ELN: variants seen among roughly 807,000 people sequenced by gnomAD.
ELN encodes the protein elastin.
A neutral mutation model predicts 105.8 loss-of-function variants in ELN; 65 were observed. The observed-to-expected ratio is 0.61, with a 90% CI of 0.50 to 0.75. The LOEUF (loss-of-function observed/expected upper bound fraction) is 0.75, where lower values mean the gene tolerates loss of function less well. ELN is among the 30% of genes least tolerant of loss of function. The pLI is 0.00. For synonymous variants in ELN, 368 were observed against 389.2 expected (o/e 0.95, Z 0.64); for missense variants, 882 against 969.4 (o/e 0.91, Z 1.20).
rs139547471 is a variant in ELN at position 74,065,971 on chromosome 7, G to T, written c.2060G>T (p.Gly687Val). The T allele has an allele frequency of 3.7e-6, 6 of 1,614,088 alleles. No individual in the cohort carries two copies. Among genetic ancestry groups the T allele is most frequent in the Non-Finnish European group, 5.1e-6 (6 of 1,180,000 alleles). Residue 687 changes from glycine (G) to valine (V), a missense_variant, in exon 31 of 33, where the codon GGG (glycine) becomes GTG (valine). Transcript: ENST00000252034. ...GCTGCTGGCCTTGGAGGTGTCCTAGGGGGTGCCGGGCAGTTCCCACTTGGA... is the reference window on the plus strand; with the variant it reads ...GCTGCTGGCCTTGGAGGTGTCCTAGTGGGTGCCGGGCAGTTCCCACTTGGA... Reference protein sequence around the residue: ...YGAAGLGGVLGGAGQFPLGGV... With the variant: ...YGAAGLGGVLVGAGQFPLGGV...
At chr7:74,034,547 A>G (rs183239139) in intron 1 of ELN, among the ~76,000 whole-genome samples, 111 of 152,282 alleles carry the variant, frequency 7.3e-4, no homozygotes, top group African/African-American at 1.1e-3. Context: ...ATCTTTACAA[A>G]AAAATCAATT....
At chr7:74,046,500 G>C (rs559541069) in intron 11 of ELN, among the ~76,000 whole-genome samples, 196 bp from the exon 12 acceptor site, 1 of 152,272 alleles carries the variant, frequency 6.6e-6, no homozygotes, top group Non-Finnish European at 1.5e-5. Flanking sequence ...AGAGAATCCC[G>C]TAGCTTCCTG....
rs782743840 is a variant in ELN at position 74,048,161 on chromosome 7, G to T, written c.705G>T (p.Val235=). The T allele has an allele frequency of 7.4e-6, 12 of 1,614,028 alleles. No individual in the cohort carries two copies. The African/African-American group carries it at 1.6e-4, about 22-fold the overall frequency. The change falls in exon 14 of 33, where the codon GTG becomes GTT. Residue 235 remains valine (V), a synonymous_variant. Transcript: ENST00000252034. ...TTGCAGGCTATGGGCCCGGAGGAGT[G>T]GCTGGTGCAGCGGGCAAGGCTGGTT... is the stretch of plus-strand genomic sequence containing the variant. The part of the protein sequence containing the change: ...KLPYGYGPGG[V]AGAAGKAGYP...
rs1179356617 is a variant in ELN, at chr7:74,029,846, C to T, written c.82+1577C>T. ...TGAGAATTAGAAATTATTATCATCA[C>T]TTGACAAACAAGGAAGCTGAGGCTC... On this transcript the variant is annotated intron_variant, in intron 1 of 32. Coordinates refer to ENST00000252034, the MANE Select transcript of ELN (RefSeq NM_000501.4). Among the ~76,000 whole-genome samples the T allele has an allele frequency of 3.9e-5, 6 of 152,342 alleles. No homozygotes were observed. In the East Asian group the frequency reaches 9.7e-4, roughly 25 times the overall value.
intron 1 of ELN, among the ~76,000 whole-genome samples, chr7:74,032,296 G>A (rs544898778): frequency 3.9e-5 from 6 of 152,328 alleles, no homozygotes; most frequent in African/African-American, 1.2e-4. Context: ...AGGGAGAGCC[G>A]TGGGCTCGGG....
In ELN at chr7:74,043,163, T is replaced by C; in HGVS notation, c.422T>C (p.Val141Ala). Residue 141 changes from valine to alanine, a missense_variant, in exon 8 of 33, where the codon GTG becomes GCG. By Grantham distance (64) the Val-to-Ala change is moderately conservative. Transcript: ENST00000252034. ...QPGAGVKPGK[V>A]PGVGLPGVYP... ...GGAGCCGGAGTGAAGCCTGGGAAAGTGCCGGGTCAGTGCGGAATCCCTGGG... is the reference window on the plus strand; with the variant it reads ...GGAGCCGGAGTGAAGCCTGGGAAAGCGCCGGGTCAGTGCGGAATCCCTGGG... The C allele has an allele frequency of 6.3e-7, 1 of 1,599,264 alleles. No individual in the cohort carries two copies. The highest frequency in any genetic ancestry group is 8.5e-7 in the Non-Finnish European group (1 of 1,172,622).
chr7:74,066,593 A>T (rs1798007652), intron 31 of ELN, 139 bp from the exon 32 acceptor site: 1 of 498,576 alleles, frequency 2.0e-6, no homozygotes, highest in Admixed American at 4.0e-5. Flanking sequence ...AATAAAATAT[A>T]AAAAATTATA....
At position 74,065,720 on chromosome 7, in the gene ELN, G is replaced by T; in HGVS notation, c.2020G>T (p.Ala674Ser). 6.2e-7 allele frequency: 1 copy of T among 1,613,880 alleles called. No individual in the cohort carries two copies. Among genetic ancestry groups the T allele is most frequent in the Non-Finnish European group, 8.5e-7 (1 of 1,180,002 alleles). Residue 674 changes from alanine (A) to serine (S), a missense_variant, in exon 30 of 33, where the codon GCA becomes TCA. Physicochemically the swap from Ala to Ser is moderately conservative, Grantham distance 99. Transcript: ENST00000252034. ...TATACCTCCAGCTGCAGCCGCTAAA[G>T]CAGCTAAATACGGTGAGTTCCCCTC... Reference protein sequence around the residue: ...GGIPPAAAAKAAKYGAAGLGG... With the variant: ...GGIPPAAAAKSAKYGAAGLGG...
At chr7:74,037,629 T>A in intron 3 of ELN, 78 bp from the exon 4 acceptor site, 1 of 1,568,146 alleles carries the variant, frequency 6.4e-7, no homozygotes. Context: ...GCCCACACTT[T>A]GCCCGGGTTG....
chr7:74,042,957 A>G, intron 6 of ELN, 27 bp from the exon 7 acceptor site: 1 of 1,614,014 alleles, frequency 6.2e-7, no homozygotes, highest in Non-Finnish European at 8.5e-7. Flanking sequence ...TTCCTTACGC[A>G]ATGCCTCACC....
At chr7:74,065,072 C>A (rs78804634) in intron 29 of ELN, among the ~76,000 whole-genome samples, 19,969 of 151,802 alleles carry the variant, frequency 0.13, 2,318 homozygotes, top group African/African-American at 0.31. Context: ...AAGACCCCCC[C>A]CCACCACCAC....
chr7:74,052,863 A>C, intron 17 of ELN: 1 of 402,632 alleles, frequency 2.5e-6, no homozygotes, highest in Non-Finnish European at 4.6e-6. Flanking sequence ...GGGAGAGAGA[A>C]AGAAAGAAAG....
Position 74,035,419 on chromosome 7 carries a change from C to A in ELN, c.133+5C>A. The A allele has an allele frequency of 6.2e-7, 1 of 1,614,082 alleles. No individual in the cohort carries two copies. Among genetic ancestry groups the A allele is most frequent in the Non-Finnish European group, 8.5e-7 (1 of 1,179,998 alleles). On this transcript the variant is annotated splice_donor_5th_base_variant and intron_variant, in intron 2 of 32. Transcript: ENST00000252034. ...CTGGAGGAGTCTTTTATCCAGGTAA[C>A]GTACATGAAACTTCCACACACCCAG...
chr7:74,046,277 G>A, intron 11 of ELN, 60 bp downstream of exon 11: 5 of 1,612,096 alleles, frequency 3.1e-6, no homozygotes, highest in South Asian at 2.2e-5. Flanking sequence ...CTGGCGTTGG[G>A]AGGGGTTGGG....
intron 1 of ELN, among the ~76,000 whole-genome samples, 166 bp from the exon 2 acceptor site, chr7:74,035,198 A>G (rs1789616101): frequency 6.6e-6 from 1 of 152,260 alleles, no homozygotes; most frequent in Non-Finnish European, 1.5e-5. Context: ...TTGTAAACAG[A>G]AACTGCTCTG....
At chr7:74,029,149 C>T (rs1442543184) in intron 1 of ELN, among the ~76,000 whole-genome samples, 1 of 152,102 alleles carries the variant, frequency 6.6e-6, no homozygotes, top group Non-Finnish European at 1.5e-5. Flanking sequence ...ATCTGGCATC[C>T]AGGTGTGACA....
intron 15 of ELN, among the ~76,000 whole-genome samples, chr7:74,051,031 G>T (rs1721117605): frequency 6.6e-6 from 1 of 152,200 alleles, no homozygotes; most frequent in Non-Finnish European, 1.5e-5. Flanking sequence ...GCTCAGGTCA[G>T]TGAGTTCTTG....
rs1438727893 is a variant in ELN at position 74,063,037 on chromosome 7, C to G, written c.1787-116C>G. On this transcript the variant is annotated intron_variant, in intron 26 of 32. Coordinates refer to ENST00000252034, the MANE Select transcript of ELN (RefSeq NM_000501.4). The surrounding 1 kb of genome is among the most constrained non-coding windows in gnomAD (Gnocchi z 4.1). ...AAATATGGACTGGACTTCCTGTCCA[C>G]TGCTCCTCCACAGTGTCACATGGCC... 2.3e-5 allele frequency: 30 copies of G among 1,310,022 alleles called. No homozygotes were observed. The highest frequency in any genetic ancestry group is 3.1e-5 in the Non-Finnish European group (29 of 947,932). The allele number at this position is 1,310,022 out of a possible 1,614,324, so 81.1% of individuals were successfully genotyped here. A position where few individuals can be genotyped will look rare whatever the true frequency, so the allele number is the denominator to read the frequency against.
Position 74,055,848 on chromosome 7 carries a change from G to A in ELN, c.1151-423G>A, listed in dbSNP as rs553112445. Among the ~76,000 whole-genome samples, 14 of 150,904 alleles carry A rather than the reference G, an allele frequency of 9.3e-5. No homozygotes were observed. In the East Asian group the frequency reaches 2.4e-3, roughly 25 times the overall value. On this transcript the variant is annotated intron_variant, in intron 19 of 32. Transcript: ENST00000252034. ...GTCACCCAGGCTGGAGTGCAGTGGC[G>A]TGATCTCCGCTCACTGCAAGCTCCA...
Sources: allele counts gnomAD v4.1 joint callset (sites outside exome capture counted in the v4.1 genomes callset), GRCh38; gene constraint gnomAD v4.1.1; non-coding constraint Gnocchi (gnomAD v3.1); transcripts MANE v1.5; gene names NCBI Gene and HGNC (gene_info 2026-07-23, HGNC 2026-07-21).